Variants in CDH12 observed in about 807,000 individuals in gnomAD.
CDH12 encodes cadherin 12.
CDH12 carries 41 observed loss-of-function variants against 74.1 expected under a neutral mutation model. The ratio of observed to expected loss-of-function variants is 0.55; its 90% CI spans 0.43 to 0.72. CDH12 has a LOEUF of 0.72. CDH12 is among the 30% of genes least tolerant of loss of function. CDH12 has a pLI of 0.00. For missense variants in CDH12, 945 were observed against 977.2 expected (o/e 0.97, Z 0.44); for synonymous variants, 399 against 355.0 (o/e 1.12, Z -1.39).
At position 21,751,541 on chromosome 5, in the gene CDH12, C is replaced by A. The variant is rs1579631031; in HGVS notation, c.*196G>T. ...TGTATCTCTTGTTGGCAGAATAAACCAAAACTGACAATATGATTAATTTAG... is the reference window on the plus strand; with the variant it reads ...TGTATCTCTTGTTGGCAGAATAAACAAAAACTGACAATATGATTAATTTAG... On this transcript the variant is annotated 3_prime_UTR_variant, in exon 15 of 15. Coordinates refer to ENST00000382254, the MANE Select transcript of CDH12 (RefSeq NM_004061.5). The A allele has an allele frequency of 3.5e-6, 2 of 570,468 alleles. No individual in the cohort carries two copies. The highest frequency in any genetic ancestry group is 2.9e-5 in the East Asian group (1 of 34,594). The allele number at this position is 570,468 out of a possible 1,614,324, so 35.3% of individuals were successfully genotyped here. A position where few individuals can be genotyped will look rare whatever the true frequency, so the allele number is the denominator to read the frequency against.
At chr5:22,637,740 C>G (rs928347919) in intron 1 of CDH12, among the ~76,000 whole-genome samples, 69 of 152,170 alleles carry the variant, frequency 4.5e-4, no homozygotes, top group Non-Finnish European at 1.0e-4. Context: ...GGTTAAAAGT[C>G]TCAATCATCA....
At chr5:22,394,435 A>G (rs1047337790) in intron 3 of CDH12, among the ~76,000 whole-genome samples, 2 of 152,158 alleles carry the variant, frequency 1.3e-5, no homozygotes, top group African/African-American at 4.8e-5. Flanking sequence ...AGAGCTACTC[A>G]GCTGTAAATG....
intron 4 of CDH12, among the ~76,000 whole-genome samples, chr5:22,088,384 A>G (rs1014777743): frequency 6.6e-6 from 1 of 152,034 alleles, no homozygotes; most frequent in Non-Finnish European, 1.5e-5. Flanking sequence ...TTTCAGACCC[A>G]CCAAGTCAAG....
At chr5:22,056,178 C>T (rs563146612) in intron 5 of CDH12, among the ~76,000 whole-genome samples, 1 of 152,140 alleles carries the variant, frequency 6.6e-6, no homozygotes, top group East Asian at 1.9e-4. Flanking sequence ...TAAAATTTTT[C>T]TCCATTATGT....
intron 4 of CDH12, among the ~76,000 whole-genome samples, chr5:22,128,619 A>G (rs1366435286): frequency 6.6e-6 from 1 of 152,228 alleles, no homozygotes; most frequent in East Asian, 1.9e-4. Context: ...TAAAAGAGAA[A>G]TAACAGGAAT....
At chr5:21,971,085 C>G (rs1756833723) in intron 6 of CDH12, among the ~76,000 whole-genome samples, 2 of 151,638 alleles carry the variant, frequency 1.3e-5, no homozygotes, top group African/African-American at 4.8e-5. Context: ...GCTAAACTTT[C>G]TTTTTAAGAT....
intron 6 of CDH12, among the ~76,000 whole-genome samples, chr5:21,865,003 C>A (rs1751251845): frequency 6.6e-6 from 1 of 152,114 alleles, no homozygotes; most frequent in African/African-American, 2.4e-5. Context: ...ATGTAAATTT[C>A]TTTGAAGAAT....
intron 3 of CDH12, among the ~76,000 whole-genome samples, chr5:22,248,263 C>T (rs531346536): frequency 3.9e-5 from 6 of 151,962 alleles, no homozygotes; most frequent in African/African-American, 7.3e-5. Context: ...TGCACCATTG[C>T]GCTATAGCCT....
At chr5:21,889,190 G>T (rs1752782880) in intron 6 of CDH12, among the ~76,000 whole-genome samples, 1 of 150,668 alleles carries the variant, frequency 6.6e-6, no homozygotes, top group African/African-American at 2.4e-5. Context: ...TGAGAAAAGT[G>T]ATGCCAGCCT....
At chr5:22,734,672 A>G (rs1213159544) in intron 1 of CDH12, among the ~76,000 whole-genome samples, 1 of 151,932 alleles carries the variant, frequency 6.6e-6, no homozygotes, top group Non-Finnish European at 1.5e-5. Flanking sequence ...TGCCATTACC[A>G]TGAAAAAGAA....
intron 3 of CDH12, among the ~76,000 whole-genome samples, chr5:22,336,819 C>A (rs1448475726): frequency 6.6e-6 from 1 of 152,212 alleles, no homozygotes; most frequent in Non-Finnish European, 1.5e-5. Flanking sequence ...CACACAGAGT[C>A]CCTATTGGGG....
intron 1 of CDH12, among the ~76,000 whole-genome samples, chr5:22,518,984 C>T (rs985062213): frequency 6.6e-6 from 1 of 152,136 alleles, no homozygotes; most frequent in African/African-American, 2.4e-5. Context: ...CATGGGGTGA[C>T]CTCCTGGTAC....
chr5:22,825,044 A>C (rs1284240597), intron 1 of CDH12, among the ~76,000 whole-genome samples: 1 of 152,196 alleles, frequency 6.6e-6, no homozygotes, highest in Non-Finnish European at 1.5e-5. Context: ...GTCACAGAAT[A>C]ATTATACAAA....
At chr5:22,595,198 T>C (rs1002030430) in intron 1 of CDH12, among the ~76,000 whole-genome samples, 4 of 152,212 alleles carry the variant, frequency 2.6e-5, no homozygotes, top group Admixed American at 2.6e-4. Flanking sequence ...TGGTTCTCTC[T>C]GATGCTGGAA....
chr5:21,820,067 G>A (rs2149950385), intron 8 of CDH12, among the ~76,000 whole-genome samples: 1 of 152,072 alleles, frequency 6.6e-6, no homozygotes, highest in African/African-American at 2.4e-5. Context: ...AGTTTAGCCA[G>A]AGTTGAGATC....
chr5:22,571,428 G>A (rs953162701), intron 1 of CDH12, among the ~76,000 whole-genome samples: 6 of 152,084 alleles, frequency 3.9e-5, no homozygotes, highest in Non-Finnish European at 8.8e-5. Flanking sequence ...CTGAGTTAAA[G>A]TGATTCTCCT....
chr5:22,845,470 G>T (rs942573554), intron 1 of CDH12, among the ~76,000 whole-genome samples: 1 of 151,808 alleles, frequency 6.6e-6, no homozygotes, highest in Non-Finnish European at 1.5e-5. Context: ...TCATTTATTC[G>T]TTCACCAAAC....
chr5:22,771,416 C>T (rs1580983863), intron 1 of CDH12, among the ~76,000 whole-genome samples: 1 of 151,976 alleles, frequency 6.6e-6, no homozygotes, highest in African/African-American at 2.4e-5. Flanking sequence ...TTAACAAAAG[C>T]CCATTGTATC....
chr5:22,016,255 C>T (rs910048699), intron 5 of CDH12, among the ~76,000 whole-genome samples: 1 of 152,000 alleles, frequency 6.6e-6, no homozygotes, highest in South Asian at 2.1e-4. Context: ...TTAATAGGAT[C>T]ATAAAAGTGT....
Sources: gnomAD v4.1 joint callset for allele counts (sites outside exome capture counted in the v4.1 genomes callset) on GRCh38, gnomAD v4.1.1 for gene constraint, MANE v1.5 for transcripts, NCBI Gene and HGNC (gene_info 2026-07-23, HGNC 2026-07-21) for gene names.